The following PTPRA variants were observed in gnomAD, a reference collection of about 807,000 sequenced individuals.
PTPRA encodes the protein protein tyrosine phosphatase receptor type A.
In PTPRA, 25 loss-of-function variants were observed where a neutral mutation model predicts 104.8. The ratio of observed to expected loss-of-function variants is 0.24; its 90% confidence interval spans 0.17 to 0.33. PTPRA has a LOEUF of 0.33. Ranked by LOEUF, PTPRA falls within the 10% of genes least tolerant of loss-of-function variation. PTPRA has a pLI of 1.00. For missense variants in PTPRA, 765 were observed against 1,015.3 expected, an observed-to-expected ratio of 0.75 and a Z score of 3.35; for synonymous variants, 323 against 368.9, an observed-to-expected ratio of 0.88 and a Z score of 1.43.
chr20:2,981,478 C>T (rs1027352733), intron 6 of PTPRA, among the ~76,000 whole-genome samples: 5 of 152,094 alleles, frequency 3.3e-5, no homozygotes, highest in Non-Finnish European at 5.9e-5. Flanking sequence ...TAATTAGAGG[C>T]TAGGGATATT....
At chr20:2,874,681 C>T (rs1287027383) in intron 1 of PTPRA, among the ~76,000 whole-genome samples, 1 of 152,162 alleles carries the variant, frequency 6.6e-6, no homozygotes, top group Non-Finnish European at 1.5e-5. Flanking sequence ...ATCTTCCTGC[C>T]TGGCCACTCC....
chr20:2,895,526 A>AT (rs777256793), intron 1 of PTPRA, among the ~76,000 whole-genome samples: 115 of 150,554 alleles, frequency 7.6e-4, no homozygotes, highest in Non-Finnish European at 1.2e-3. Context: ...ATTTTATTTT[A>AT]TTTTTTTTGA....
intron 2 of PTPRA, among the ~76,000 whole-genome samples, chr20:2,929,293 C>T (rs1443009706): frequency 6.6e-6 from 1 of 152,130 alleles, no homozygotes; most frequent in Non-Finnish European, 1.5e-5. Context: ...AGTCTTCTCC[C>T]CGCTTTCTTT....
chr20:2,945,600 T>A (rs1600152047), intron 2 of PTPRA, among the ~76,000 whole-genome samples: 1 of 151,722 alleles, frequency 6.6e-6, no homozygotes, highest in South Asian at 2.1e-4. Context: ...TGTGTGTGTG[T>A]GTGTGTGTGT....
chr20:3,015,468 C>T lies in PTPRA; in HGVS notation c.907-381C>T, dbSNP rs184210494. Reference sequence around the variant, plus strand: ...AATTACAGGAGTGCACCACCACGCCCGGCTAATTTTTGTATTTTAGTAGAG... The same window carrying T: ...AATTACAGGAGTGCACCACCACGCCTGGCTAATTTTTGTATTTTAGTAGAG... On this transcript the variant is annotated intron_variant, in intron 11 of 23. Transcript: ENST00000399903. Among the ~76,000 whole-genome samples the T allele has an allele frequency of 5.3e-4, 80 of 151,892 alleles. 1 individual carries two copies. Among genetic ancestry groups the T allele is most frequent in the East Asian group, 2.3e-3 (12 of 5,158 alleles).
Position 3,015,936 on chromosome 20 carries a change from GGGTTT to G in PTPRA, c.943+57_943+61del. On this transcript the variant is annotated intron_variant, in intron 12 of 23. Coordinates refer to ENST00000399903, the MANE Select transcript of PTPRA (RefSeq NM_001385305.1). ...TTAGATTTAACCATGATCACATAAT[GGGTTT>G]GGTTTTTTTCTCCCAAATGCTGAGT... is the stretch of plus-strand genomic sequence containing the variant. The G allele has an allele frequency of 3.3e-6, 5 of 1,516,478 alleles. No individual in the cohort carries two copies. In the South Asian group the frequency reaches 4.6e-5, roughly 14 times the overall value. The allele number at this position is 1,516,478 out of a possible 1,614,324, so 93.9% of individuals were successfully genotyped here.
chr20:2,974,760 A>G (rs1240490344), intron 5 of PTPRA, among the ~76,000 whole-genome samples: 2 of 152,156 alleles, frequency 1.3e-5, no homozygotes, highest in African/African-American at 2.4e-5. Context: ...ATTGGGACAA[A>G]AGAATATTGT....
intron 19 of PTPRA, 58 bp from the exon 20 acceptor site, chr20:3,027,646 TCTC>T (rs1217230830): frequency 3.8e-6 from 6 of 1,576,750 alleles, no homozygotes; most frequent in Non-Finnish European, 5.2e-6. Context: ...TGGTCTGTCT[TCTC>T]CACTAGTCCC....
chr20:2,902,974 G>A (rs977594574), intron 1 of PTPRA, among the ~76,000 whole-genome samples: 3 of 152,030 alleles, frequency 2.0e-5, no homozygotes, highest in Non-Finnish European at 4.4e-5. Flanking sequence ...TTTTGGGTAC[G>A]TAACCTTGTG....
rs566969533 is a variant in PTPRA at position 2,948,783 on chromosome 20, G to C, written c.-7+759G>C. Among the ~76,000 whole-genome samples, 156 of 151,750 alleles carry C rather than the reference G, an allele frequency of 1.0e-3. 1 individual carries two copies. Among genetic ancestry groups the C allele is most frequent in the South Asian group, 6.2e-3 (30 of 4,806 alleles). On this transcript the variant is annotated intron_variant, in intron 3 of 23. Transcript: ENST00000399903. ...TGGCTAACACAGTGAAACCCTGTCT[G>C]TACTAAAAATAGAAAAAAATTAGCT...
At chr20:2,897,956 A>G (rs1261282881) in intron 1 of PTPRA, among the ~76,000 whole-genome samples, 1 of 117,776 alleles carries the variant, frequency 8.5e-6, no homozygotes, top group Non-Finnish European at 1.6e-5. Flanking sequence ...CTTGTTGCCC[A>G]GGCTGGGGTG....
At chr20:2,890,533 A>T (rs2058754298) in intron 1 of PTPRA, among the ~76,000 whole-genome samples, 1 of 152,192 alleles carries the variant, frequency 6.6e-6, no homozygotes, top group South Asian at 2.1e-4. Flanking sequence ...AATGATCTTG[A>T]TTCTCTGTCT....
At chr20:2,910,071 T>C (rs1568649459) in intron 1 of PTPRA, among the ~76,000 whole-genome samples, 1 of 121,308 alleles carries the variant, frequency 8.2e-6, no homozygotes, top group Non-Finnish European at 1.6e-5. Context: ...ATATAATATA[T>C]ATGATGTATA....
At chr20:3,004,504 G>A (rs1429480447) in intron 9 of PTPRA, among the ~76,000 whole-genome samples, 1 of 152,164 alleles carries the variant, frequency 6.6e-6, no homozygotes, top group South Asian at 2.1e-4. Flanking sequence ...CTTAACTGCT[G>A]CATCTATATG....
At chr20:3,032,384 CT>C (rs1369574481) in intron 20 of PTPRA, among the ~76,000 whole-genome samples, 1 of 152,190 alleles carries the variant, frequency 6.6e-6, no homozygotes, top group Non-Finnish European at 1.5e-5. Context: ...CATTTCCTAT[CT>C]TTTAAAAACA....
intron 3 of PTPRA, chr20:2,955,734 A>G: frequency 1.1e-6 from 1 of 894,866 alleles, no homozygotes; most frequent in Non-Finnish European, 1.3e-6. Flanking sequence ...GCACCCACCT[A>G]CTCCTGCCTA....
chr20:2,943,473 C>T (rs1287244115), intron 2 of PTPRA, among the ~76,000 whole-genome samples: 1 of 151,982 alleles, frequency 6.6e-6, no homozygotes, highest in East Asian at 1.9e-4. Context: ...ATGAAGCCCA[C>T]CTACATTATG....
intron 1 of PTPRA, among the ~76,000 whole-genome samples, chr20:2,888,831 A>G (rs2058693249): frequency 6.6e-6 from 1 of 152,248 alleles, no homozygotes; most frequent in Non-Finnish European, 1.5e-5. Flanking sequence ...TATTTCAAGT[A>G]ACAATAAGGG....
chr20:2,905,718 CTTGT>C (rs2059403886), intron 1 of PTPRA, among the ~76,000 whole-genome samples: 1 of 65,954 alleles, frequency 1.5e-5, no homozygotes, highest in Non-Finnish European at 3.1e-5. Context: ...TTTTTTTGCT[CTTGT>C]TTCCCAGGCT....
Sources: allele counts gnomAD v4.1 joint callset (sites outside exome capture counted in the v4.1 genomes callset), GRCh38; gene constraint gnomAD v4.1.1; transcripts MANE v1.5; gene names NCBI Gene and HGNC (gene_info 2026-07-23, HGNC 2026-07-21).